Variants in NEGR1 observed in about 807,000 individuals in gnomAD.
The protein encoded by NEGR1 is IgLON family member 4.
A neutral mutation model predicts 40.9 loss-of-function variants in NEGR1; 10 were observed. The ratio of observed to expected loss-of-function variants is 0.24; its 90% CI spans 0.15 to 0.42. The LOEUF (loss-of-function observed/expected upper bound fraction) is 0.42. NEGR1 is among the 10% of genes least tolerant of loss of function. The pLI is 1.00. For synonymous variants in NEGR1, 185 were observed against 166.8 expected (o/e 1.11, Z -0.84); for missense variants, 352 against 438.9 (o/e 0.80, Z 1.77).
intron 6 of NEGR1, among the ~76,000 whole-genome samples, chr1:71,427,961 C>T (rs1646440016): frequency 6.6e-6 from 1 of 150,512 alleles, no homozygotes; most frequent in Non-Finnish European, 1.5e-5. Context: ...GAGCTATGCA[C>T]CTGCACATAA....
At chr1:72,021,976 A>G (rs1169356738) in intron 1 of NEGR1, among the ~76,000 whole-genome samples, 2 of 152,040 alleles carry the variant, frequency 1.3e-5, no homozygotes, top group African/African-American at 4.8e-5. Flanking sequence ...TCTACTAAAA[A>G]TACAAAAAAT....
intron 1 of NEGR1, among the ~76,000 whole-genome samples, chr1:72,174,682 C>T (rs561714154): frequency 6.6e-6 from 1 of 152,186 alleles, no homozygotes; most frequent in Non-Finnish European, 1.5e-5. Flanking sequence ...CCACATTACT[C>T]TTTCCAAATA....
chr1:71,976,351 A>G (rs1646303890), intron 1 of NEGR1, among the ~76,000 whole-genome samples: 1 of 152,232 alleles, frequency 6.6e-6, no homozygotes, highest in Non-Finnish European at 1.5e-5. Context: ...CGAAGAGATA[A>G]AAGAGTAATG....
chr1:71,951,847 T>C (rs993634994), intron 1 of NEGR1, among the ~76,000 whole-genome samples: 1 of 151,938 alleles, frequency 6.6e-6, no homozygotes, highest in Non-Finnish European at 1.5e-5. Context: ...CTTGCAATAT[T>C]TCAAATTTTT....
At chr1:71,476,317 G>T (rs1646820431) in intron 6 of NEGR1, among the ~76,000 whole-genome samples, 1 of 151,942 alleles carries the variant, frequency 6.6e-6, no homozygotes, top group African/African-American at 2.4e-5. Context: ...TGTCATTTTT[G>T]ACAACAAAAA....
chr1:71,712,955 T>A (rs1158439706), intron 3 of NEGR1, among the ~76,000 whole-genome samples: 5 of 152,218 alleles, frequency 3.3e-5, no homozygotes, highest in Non-Finnish European at 5.9e-5. Context: ...TTCTCAGCCA[T>A]GCTTCCTGTA....
intron 2 of NEGR1, among the ~76,000 whole-genome samples, chr1:71,912,205 T>C (rs1408472882): frequency 6.6e-6 from 1 of 152,176 alleles, no homozygotes; most frequent in African/African-American, 2.4e-5. Context: ...GTGGGGACTG[T>C]AGGAGAGAAT....
intron 4 of NEGR1, among the ~76,000 whole-genome samples, chr1:71,662,096 A>G (rs1041107345): frequency 1.3e-5 from 2 of 152,224 alleles, no homozygotes; most frequent in Admixed American, 6.5e-5. Context: ...GACTTAAGTG[A>G]GCAGGTTTTA....
chr1:71,987,405 C>G (rs1324315395), intron 1 of NEGR1, among the ~76,000 whole-genome samples: 1 of 152,122 alleles, frequency 6.6e-6, no homozygotes, highest in Non-Finnish European at 1.5e-5. Flanking sequence ...AAACCACTCA[C>G]GTGGTACTGA....
At chr1:72,066,823 G>A (rs2200485) in intron 1 of NEGR1, among the ~76,000 whole-genome samples, 20,776 of 152,026 alleles carry the variant, frequency 0.14, 1,892 homozygotes, top group East Asian at 0.28. Context: ...TTGTTATGGC[G>A]CTCCTATCAG....
At chr1:71,749,822 C>T (rs567763251) in intron 3 of NEGR1, among the ~76,000 whole-genome samples, 2 of 152,162 alleles carry the variant, frequency 1.3e-5, no homozygotes, top group South Asian at 2.1e-4. Context: ...GTTGTCAGAC[C>T]ACTGTAAAGT....
chr1:71,865,578 A>C (rs1182920168), intron 2 of NEGR1, among the ~76,000 whole-genome samples: 1 of 152,132 alleles, frequency 6.6e-6, no homozygotes, highest in East Asian at 1.9e-4. Context: ...AGGGAGGGGA[A>C]CATCACACAC....
At chr1:71,795,962 G>T (rs1361185936) in intron 2 of NEGR1, among the ~76,000 whole-genome samples, 1 of 152,120 alleles carries the variant, frequency 6.6e-6, no homozygotes, top group Non-Finnish European at 1.5e-5. Context: ...GCCTCATTTG[G>T]TCCCAGAGAA....
At chr1:72,263,776 C>A (rs111518060) in intron 1 of NEGR1, among the ~76,000 whole-genome samples, 31 of 151,194 alleles carry the variant, frequency 2.1e-4, no homozygotes, top group African/African-American at 7.5e-4. Flanking sequence ...CTCTTATGTC[C>A]CAAATTAAGT....
chr1:72,103,001 C>T (rs1649001692), intron 1 of NEGR1, among the ~76,000 whole-genome samples: 1 of 152,042 alleles, frequency 6.6e-6, no homozygotes, highest in Admixed American at 6.6e-5. Flanking sequence ...AGCAACCACC[C>T]TTATGCGAAT....
intron 4 of NEGR1, among the ~76,000 whole-genome samples, chr1:71,658,767 G>C (rs1409833171): frequency 6.6e-6 from 1 of 152,102 alleles, no homozygotes; most frequent in Non-Finnish European, 1.5e-5. Context: ...ATCTTGTTGA[G>C]GAACTGCAGA....
At chr1:71,460,531 T>A (rs1646707337) in intron 6 of NEGR1, among the ~76,000 whole-genome samples, 1 of 152,232 alleles carries the variant, frequency 6.6e-6, no homozygotes, top group South Asian at 2.1e-4. Context: ...AAAACAAGGA[T>A]CTTAAAAACT....
At chr1:72,114,130 T>G (rs1368622727) in intron 1 of NEGR1, among the ~76,000 whole-genome samples, 2 of 151,764 alleles carry the variant, frequency 1.3e-5, no homozygotes, top group Non-Finnish European at 2.9e-5. Context: ...TACCTGTATA[T>G]TTGGTCAAAC....
chr1:71,540,495 G>C (rs1394984713), intron 6 of NEGR1, among the ~76,000 whole-genome samples: 1 of 151,726 alleles, frequency 6.6e-6, no homozygotes, highest in Non-Finnish European at 1.5e-5. Flanking sequence ...TGATTATAGA[G>C]AGGAATGGCT....
Sources: gnomAD v4.1 joint callset for allele counts (sites outside exome capture counted in the v4.1 genomes callset) on GRCh38, gnomAD v4.1.1 for gene constraint, MANE v1.5 for transcripts, NCBI Gene and HGNC (gene_info 2026-07-23, HGNC 2026-07-21) for gene names.